The following TRPM6 variants were observed in gnomAD, a reference collection of about 807,000 sequenced individuals.
TRPM6 encodes the protein channel kinase 2.
TRPM6 carries 111 observed loss-of-function variants against 247.6 expected under a neutral mutation model. That is an observed-to-expected ratio of 0.45 (90% CI 0.38 to 0.52). The LOEUF (loss-of-function observed/expected upper bound fraction) is 0.52. Among genes scored for constraint, TRPM6 ranks in the 20% least tolerant of loss-of-function variants. The pLI, the probability that TRPM6 is intolerant of heterozygous loss-of-function variation, is 0.00. For synonymous variants in TRPM6, 892 were observed against 853.8 expected, an observed-to-expected ratio of 1.04 and a Z score of -0.78; for missense variants, 2,126 against 2,421.5, an observed-to-expected ratio of 0.88 and a Z score of 2.56.
intron 6 of TRPM6, among the ~76,000 whole-genome samples, chr9:74,830,749 G>GTTTTTTTTT (rs71368685): frequency 2.3e-5 from 2 of 87,260 alleles, no homozygotes; most frequent in Non-Finnish European, 2.0e-5. Flanking sequence ...GCTAATTTTT[G>GTTTTTTTTT]TTTTTTTTTT....
intron 15 of TRPM6, among the ~76,000 whole-genome samples, chr9:74,803,011 T>A (rs1828398277): frequency 6.6e-6 from 1 of 152,164 alleles, no homozygotes. Context: ...GTATAATGCC[T>A]GGCAAATACT....
chr9:74,835,587 A>C (rs1177427504), intron 5 of TRPM6, among the ~76,000 whole-genome samples: 3 of 152,124 alleles, frequency 2.0e-5, no homozygotes, highest in African/African-American at 7.2e-5. Flanking sequence ...GCCTACAGTA[A>C]GATTTCAGTA....
intron 11 of TRPM6, 87 bp downstream of exon 11, chr9:74,816,582 A>G (rs770453186): frequency 2.0e-5 from 22 of 1,077,268 alleles, no homozygotes; most frequent in Non-Finnish European, 2.8e-5. Flanking sequence ...CAAACCAATC[A>G]ATATCTCCTC....
At chr9:74,733,585 T>C (rs1825596536) in intron 36 of TRPM6, among the ~76,000 whole-genome samples, 1 of 152,240 alleles carries the variant, frequency 6.6e-6, no homozygotes, top group Admixed American at 6.5e-5. Context: ...TTTACATCAA[T>C]GAGTACACTG....
intron 3 of TRPM6, among the ~76,000 whole-genome samples, chr9:74,851,538 G>A (rs1023887298): frequency 4.0e-5 from 6 of 150,888 alleles, no homozygotes; most frequent in African/African-American, 1.5e-4. Context: ...ATTTAAGGTC[G>A]GGAGTTCAAA....
At chr9:74,797,014 T>C (rs1439908172) in intron 17 of TRPM6, 121 bp from the exon 18 acceptor site, 2 of 883,080 alleles carry the variant, frequency 2.3e-6, no homozygotes, top group Non-Finnish European at 3.6e-6. Flanking sequence ...TCAATTTTCA[T>C]CGCATTTCTA....
chr9:74,757,846 G>T (rs1362936196), intron 27 of TRPM6, among the ~76,000 whole-genome samples: 3 of 152,124 alleles, frequency 2.0e-5, no homozygotes, highest in Non-Finnish European at 4.4e-5. Context: ...CTGGGAGGCA[G>T]AGGTTGCAGT....
Position 74,738,396 on chromosome 9 carries a change from T to A in TRPM6, c.5776+11A>T. The A allele has an allele frequency of 6.2e-7, 1 of 1,613,464 alleles. No homozygotes were observed. The highest frequency in any genetic ancestry group is 8.5e-7 in the Non-Finnish European group (1 of 1,179,792). ...CATGCTTGTTGTATCAAATCCTACA[T>A]CATCAATCACCTTGCAAATCTAAAA... On this transcript the variant is annotated intron_variant, in intron 36 of 38. Coordinates refer to ENST00000360774, the MANE Select transcript of TRPM6 (RefSeq NM_017662.5).
At chr9:74,827,970 G>A (rs912058290) in intron 6 of TRPM6, 21 bp from the exon 7 acceptor site, 2 of 1,613,104 alleles carry the variant, frequency 1.2e-6, no homozygotes, top group Admixed American at 3.3e-5. Context: ...GCAAGGACAA[G>A]GGAGGGTCAG....
At position 74,820,360 on chromosome 9, in the gene TRPM6, T is replaced by G. The variant is rs760077995; in HGVS notation, c.1078A>C (p.Lys360Gln). 6.2e-6 allele frequency: 10 copies of G among 1,614,160 alleles called. No homozygotes were observed. Among genetic ancestry groups the G allele is most frequent in the Non-Finnish European group, 7.6e-6 (9 of 1,180,004 alleles). The change falls in exon 9 of 39, where the codon AAA becomes CAA. Residue 360 changes from lysine to glutamine, a missense_variant. Around this residue, in one of 3 missense-constraint regions of TRPM6, gnomAD observed 1,082 missense variants for 1,307.9 expected, o/e 0.83. Coordinates refer to ENST00000360774, the MANE Select transcript of TRPM6 (RefSeq NM_017662.5). ...MIQNTFNFSL[K>Q]QSKHLFQILM... ...ATTTGGAAAAGGTGCTTGGACTGTT[T>G]AAGACTAAAGTTGAAAGTGTTCTGA...
chr9:74,775,263 C>T (rs1564008014), intron 24 of TRPM6, among the ~76,000 whole-genome samples: 1 of 152,208 alleles, frequency 6.6e-6, no homozygotes, highest in Non-Finnish European at 1.5e-5. Context: ...GATCATGGTG[C>T]ACCCCAGCTT....
chr9:74,776,511 A>C (rs1470804282), intron 23 of TRPM6, among the ~76,000 whole-genome samples: 1 of 152,170 alleles, frequency 6.6e-6, no homozygotes, highest in Non-Finnish European at 1.5e-5. Flanking sequence ...ATCCCAGTTA[A>C]AATATGCAAA....
intron 37 of TRPM6, among the ~76,000 whole-genome samples, chr9:74,730,706 A>G (rs1449663716): frequency 1.3e-5 from 2 of 152,180 alleles, no homozygotes; most frequent in African/African-American, 2.4e-5. Context: ...TTGTTGGTCC[A>G]CGTCCCATGC....
Position 74,775,948 on chromosome 9 carries a change from A to T in TRPM6, c.3338T>A (p.Leu1113His). Reference sequence around the variant, plus strand: ...ATGACAGCACAGGCGGCGGAGGAGAAGGCCCACGTGGCTCAGCAGGATGAG... The same window carrying T: ...ATGACAGCACAGGCGGCGGAGGAGATGGCCCACGTGGCTCAGCAGGATGAG... ...PPLILLSHVG[L>H]LLRRLCCHRA... is the part of the protein sequence containing the mutation. The change falls in exon 24 of 39, where the codon CTT becomes CAT. Residue 1113 changes from leucine to histidine, a missense_variant. By Grantham distance (99) the Leu-to-His change is moderately conservative. Around this residue, in one of 3 missense-constraint regions of TRPM6, gnomAD observed 717 missense variants for 715.9 expected, o/e 1.00. Coordinates refer to ENST00000360774, the MANE Select transcript of TRPM6 (RefSeq NM_017662.5). 1 of 1,614,184 alleles carries T rather than the reference A, an allele frequency of 6.2e-7. No individual in the cohort carries two copies. Among genetic ancestry groups the T allele is most frequent in the Non-Finnish European group, 8.5e-7 (1 of 1,180,034 alleles).
At chr9:74,786,779 G>A (rs1002480662) in intron 20 of TRPM6, among the ~76,000 whole-genome samples, 18 of 152,240 alleles carry the variant, frequency 1.2e-4, no homozygotes, top group Non-Finnish European at 2.6e-4. Flanking sequence ...ATACTGCTGT[G>A]GATCTGTATA....
intron 13 of TRPM6, among the ~76,000 whole-genome samples, chr9:74,808,729 T>C (rs189389110): frequency 6.6e-5 from 10 of 152,350 alleles, no homozygotes; most frequent in Non-Finnish European, 1.5e-4. Flanking sequence ...TTGCACTGCG[T>C]TGACTACATC....
intron 27 of TRPM6, among the ~76,000 whole-genome samples, chr9:74,756,370 A>G (rs1227991996): frequency 6.6e-6 from 1 of 152,192 alleles, no homozygotes; most frequent in Non-Finnish European, 1.5e-5. Flanking sequence ...CATTTTTTAA[A>G]TAAGGCAGAG....
At chr9:74,728,210 T>G (rs1162452368) in intron 38 of TRPM6, 29 bp downstream of exon 38, 1 of 1,484,588 alleles carries the variant, frequency 6.7e-7, no homozygotes, top group East Asian at 2.3e-5. Flanking sequence ...GAGATTTACT[T>G]AGAGAAAAAA....
At position 74,739,891 on chromosome 9, in the gene TRPM6, C is replaced by A. The variant is rs779263350; in HGVS notation, c.5319G>T (p.Glu1773Asp). Residue 1773 changes from glutamate (E) to aspartate (D), a missense_variant, in exon 34 of 39, where the codon GAG (glutamate) becomes GAT (aspartate). Physicochemically the swap from Glu to Asp is conservative, Grantham distance 45. This residue lies in a region of TRPM6 where 327 missense variants were observed against 397.7 expected (regional missense o/e 0.82). Coordinates refer to ENST00000360774, the MANE Select transcript of TRPM6 (RefSeq NM_017662.5). ...CTTTACGGAGGCCCCCATCCATCTCCTCTCGGGACAATACCTGGATCATTG... is the reference window on the plus strand; with the variant it reads ...CTTTACGGAGGCCCCCATCCATCTCATCTCGGGACAATACCTGGATCATTG... ...RAAMIQVLSR[E>D]EMDGGLRKAM... is the part of the protein sequence containing the mutation. The A allele has an allele frequency of 6.2e-7, 1 of 1,614,144 alleles. No individual in the cohort carries two copies. The highest frequency in any genetic ancestry group is 1.1e-5 in the South Asian group (1 of 91,072).
Sources: gnomAD v4.1 joint callset for allele counts (sites outside exome capture counted in the v4.1 genomes callset) on GRCh38, gnomAD v4.1.1 for gene constraint, gnomAD v4.1.1 regional missense constraint, MANE v1.5 for transcripts, NCBI Gene and HGNC (gene_info 2026-07-23, HGNC 2026-07-21) for gene names.